ZNF268: variants seen among roughly 807,000 people sequenced by gnomAD.
ZNF268 encodes the protein zinc finger protein 268, also known as zinc finger protein 3.
ZNF268 carries 20 observed loss-of-function variants against 29.3 expected under a neutral mutation model. The observed-to-expected ratio is 0.68, with a 90% CI of 0.48 to 0.99. The LOEUF is 0.99. Among genes scored for constraint, ZNF268 ranks in the 50% least tolerant of loss-of-function variants. ZNF268 has a pLI of 0.00. For missense variants in ZNF268, 1,240 were observed against 1,121.6 expected, an observed-to-expected ratio of 1.11 and a Z score of -1.51; for synonymous variants, 429 against 376.9, an observed-to-expected ratio of 1.14 and a Z score of -1.60.
In ZNF268 at chr12:133,208,538, C is replaced by G. The variant is rs559930061; in HGVS notation, c.*4008C>G. On this transcript the variant is annotated 3_prime_UTR_variant, in exon 6 of 6. Coordinates refer to ENST00000536435, the MANE Select transcript of ZNF268 (RefSeq NM_003415.3). Reference sequence around the variant, plus strand: ...GGTGTAGTGGCAAGTGCCGGTAGTCCCACCTACTGAGGAGGCTGAGGCAGG... The same window carrying G: ...GGTGTAGTGGCAAGTGCCGGTAGTCGCACCTACTGAGGAGGCTGAGGCAGG... The G allele has an allele frequency of 6.6e-6, 1 of 152,302 alleles. No homozygotes were observed. The highest frequency in any genetic ancestry group is 2.4e-5 in the African/African-American group (1 of 41,540). 9.4% of individuals were successfully genotyped at this position (152,302 alleles called of 1,614,324 possible).
intron 2 of ZNF268, among the ~76,000 whole-genome samples, chr12:133,182,712 T>C (rs1034578432): frequency 6.6e-5 from 10 of 152,172 alleles, no homozygotes; most frequent in African/African-American, 1.9e-4. Context: ...GAAAAAGAAG[T>C]AACGTGCAAA....
chr12:133,194,541 C>T (rs1304996716), intron 5 of ZNF268, among the ~76,000 whole-genome samples: 4 of 152,128 alleles, frequency 2.6e-5, no homozygotes, highest in African/African-American at 9.7e-5. Context: ...GTCTGTCAGA[C>T]AGGAAAACTC....
chr12:133,203,577 C>G lies in ZNF268; in HGVS notation c.1891C>G (p.Gln631Glu). The G allele has an allele frequency of 6.4e-7, 1 of 1,567,172 alleles. No homozygotes were observed. Among genetic ancestry groups the G allele is most frequent in the Non-Finnish European group, 8.6e-7 (1 of 1,159,472 alleles). ...TACAAAGTCAAACCTGATTGTACAT[C>G]AGAGAACTCATACAGGAGAGAAACC... ...FNTKSNLIVH[Q>E]RTHTGEKPYS... The change falls in exon 6 of 6, where the codon CAG becomes GAG. Residue 631 changes from glutamine (Q) to glutamate (E), a missense_variant. By Grantham distance (29) the Gln-to-Glu change is conservative. This residue lies in a region of ZNF268 where 1,177 missense variants were observed against 1,039.6 expected (regional missense o/e 1.13). Coordinates refer to ENST00000536435, the MANE Select transcript of ZNF268 (RefSeq NM_003415.3).
intron 5 of ZNF268, 62 bp from the exon 6 acceptor site, chr12:133,202,082 A>C (rs561141024): frequency 3.7e-6 from 5 of 1,359,308 alleles, no homozygotes; most frequent in Non-Finnish European, 4.9e-6. Flanking sequence ...TTTCATAGGC[A>C]ACTTTCTAGT....
chr12:133,194,519 C>G (rs550210282), intron 5 of ZNF268, among the ~76,000 whole-genome samples: 5 of 152,256 alleles, frequency 3.3e-5, no homozygotes, highest in African/African-American at 1.2e-4. Flanking sequence ...AGGGCTGTTT[C>G]TTCACACACG....
Position 133,204,460 on chromosome 12 carries a change from G to A in ZNF268, c.2774G>A (p.Cys925Tyr). 1.3e-6 allele frequency: 2 copies of A among 1,555,010 alleles called. No individual in the cohort carries two copies. The highest frequency in any genetic ancestry group is 1.7e-6 in the Non-Finnish European group (2 of 1,155,930). ...TGEKPCKCTE[C>Y]GKAFCWKSQL... ...GAGAAGCCTTGTAAGTGCACTGAAT[G>A]TGGGAAAGCCTTTTGTTGGAAGTCA... The change falls in exon 6 of 6, where the codon TGT becomes TAT. Residue 925 changes from cysteine (C) to tyrosine (Y), a missense_variant. This residue lies in a region of ZNF268 where 1,177 missense variants were observed against 1,039.6 expected (regional missense o/e 1.13). Transcript: ENST00000536435.
chr12:133,202,101 A>G (rs1359582900), intron 5 of ZNF268, 43 bp from the exon 6 acceptor site: 3 of 1,474,420 alleles, frequency 2.0e-6, no homozygotes, highest in Non-Finnish European at 2.7e-6. Context: ...GTATACCGCA[A>G]TCATGTGATT....
chr12:133,201,290 C>A (rs1369758420), intron 5 of ZNF268, among the ~76,000 whole-genome samples: 1 of 151,906 alleles, frequency 6.6e-6, no homozygotes, highest in East Asian at 1.9e-4. Flanking sequence ...TGACTTGCTT[C>A]AGAGTAGCTT....
chr12:133,202,088 C>T, intron 5 of ZNF268, 56 bp from the exon 6 acceptor site: 1 of 1,402,788 alleles, frequency 7.1e-7, no homozygotes, highest in Non-Finnish European at 9.6e-7. Context: ...AGGCAACTTT[C>T]TAGTATACCG....
In ZNF268 at chr12:133,212,474, T is replaced by TATAC. The variant is rs1956997282; in HGVS notation, c.*7947_*7948insCATA. 1 of 9,496 alleles carries TATAC rather than the reference T, an allele frequency of 1.1e-4. No individual in the cohort carries two copies. Among genetic ancestry groups the TATAC allele is most frequent in the Non-Finnish European group, 1.7e-4 (1 of 5,802 alleles). 0.6% of individuals were successfully genotyped at this position (9,496 alleles called of 1,614,324 possible). ...ATATATATATATATATATATATATA[T>TATAC]ATATATATATATATATATATATATG... On this transcript the variant is annotated 3_prime_UTR_variant, in exon 6 of 6. Transcript: ENST00000536435.
rs954103058 is a variant in ZNF268, at chr12:133,210,374, G to C, written c.*5844G>C. On this transcript the variant is annotated 3_prime_UTR_variant, in exon 6 of 6. Coordinates refer to ENST00000536435, the MANE Select transcript of ZNF268 (RefSeq NM_003415.3). ...CCCCACCACGGGTCAGTCCTGAGGA[G>C]GATACTCTGGTCATCACTGTGATCT... 1.7e-5 allele frequency: 3 copies of C among 180,060 alleles called. No individual in the cohort carries two copies. The highest frequency in any genetic ancestry group is 4.7e-5 in the African/African-American group (2 of 42,836). The allele number at this position is 180,060 out of a possible 1,614,324, so 11.2% of individuals were successfully genotyped here.
chr12:133,202,956 G>A lies in ZNF268; in HGVS notation c.1270G>A (p.Ala424Thr), dbSNP rs959059077. ...KPYECNECQK[A>T]FNTKSNLMVH... Reference sequence around the variant, plus strand: ...ATATGAATGCAATGAATGTCAGAAAGCCTTTAATACAAAGTCAAACCTTAT... The same window carrying A: ...ATATGAATGCAATGAATGTCAGAAAACCTTTAATACAAAGTCAAACCTTAT... The change falls in exon 6 of 6, where the codon GCC (alanine) becomes ACC (threonine). Residue 424 changes from alanine (A) to threonine (T), a missense_variant. Ala to Thr is a moderately conservative substitution (Grantham distance 58, BLOSUM62 0). Transcript: ENST00000536435. 6.5e-7 allele frequency: 1 copy of A among 1,546,214 alleles called. No homozygotes were observed. Among genetic ancestry groups the A allele is most frequent in the Admixed American group, 1.9e-5 (1 of 51,352 alleles).
chr12:133,194,467 T>C (rs1466308022), intron 5 of ZNF268, among the ~76,000 whole-genome samples: 1 of 152,194 alleles, frequency 6.6e-6, no homozygotes, highest in Non-Finnish European at 1.5e-5. Flanking sequence ...CTTGCAGTTC[T>C]AGTTGATGCC....
chr12:133,197,023 C>G (rs1956619791), intron 5 of ZNF268, among the ~76,000 whole-genome samples: 1 of 133,380 alleles, frequency 7.5e-6, no homozygotes, highest in Non-Finnish European at 1.6e-5. Context: ...TTCTCTAGAT[C>G]CTTTCTTTTT....
Position 133,203,842 on chromosome 12 carries a change from C to T in ZNF268, c.2156C>T (p.Thr719Ile). The change falls in exon 6 of 6, where the codon ACA (threonine) becomes ATA (isoleucine). Residue 719 changes from threonine to isoleucine, a missense_variant. Physicochemically the swap from Thr to Ile is moderately conservative, Grantham distance 89. This residue lies in a region of ZNF268 where 1,177 missense variants were observed against 1,039.6 expected (regional missense o/e 1.13). Coordinates refer to ENST00000536435, the MANE Select transcript of ZNF268 (RefSeq NM_003415.3). Reference sequence around the variant, plus strand: ...CTTATTATACATATGAGAACTCATACAGGAGAGAAACCACATGAGTGCAGG... The same window carrying T: ...CTTATTATACATATGAGAACTCATATAGGAGAGAAACCACATGAGTGCAGG... Reference protein sequence around the residue: ...SYLIIHMRTHTGEKPHECREC... With the variant: ...SYLIIHMRTHIGEKPHECREC... The T allele has an allele frequency of 6.4e-7, 1 of 1,565,074 alleles. No homozygotes were observed. Among genetic ancestry groups the T allele is most frequent in the Non-Finnish European group, 8.6e-7 (1 of 1,161,104 alleles).
Position 133,202,241 on chromosome 12 carries a change from A to G in ZNF268, c.555A>G (p.Gly185=). Reference sequence around the variant, plus strand: ...AAAGCTTTGAATGCACTACATTTGGAAAACTATGTCTTCTTAGTACAAAGT... The same window carrying G: ...AAAGCTTTGAATGCACTACATTTGGGAAACTATGTCTTCTTAGTACAAAGT... ...TAKSFECTTF[G]KLCLLSTKYL... is the part of the protein sequence containing the mutation. Residue 185 remains glycine, a synonymous_variant, in exon 6 of 6, where the codon GGA becomes GGG. Coordinates refer to ENST00000536435, the MANE Select transcript of ZNF268 (RefSeq NM_003415.3). 1 of 1,612,196 alleles carries G rather than the reference A, an allele frequency of 6.2e-7. No homozygotes were observed.
chr12:133,191,404 A>T (rs927352170), intron 3 of ZNF268, 85 bp from the exon 4 acceptor site: 47 of 1,520,562 alleles, frequency 3.1e-5, no homozygotes, highest in Non-Finnish European at 4.2e-5. Flanking sequence ...ACAAAGTTAA[A>T]CATAAATAAT....
Position 133,187,956 on chromosome 12 carries a change from C to G in ZNF268, c.118C>G (p.Pro40Ala). ...GGAATCCATCTTGGGCCAAGGGACT[C>G]CTGGTCTGCAACCTCTCCCTGGAAC... The part of the protein sequence containing the change: ...GQESILGQGT[P>A]GLQPLPGTPR... The change falls in exon 3 of 6, where the codon CCT becomes GCT. Residue 40 changes from proline to alanine, a missense_variant. Around this residue, in one of 3 missense-constraint regions of ZNF268, gnomAD observed 51 missense variants for 51.4 expected, o/e 0.99. Coordinates refer to ENST00000536435, the MANE Select transcript of ZNF268 (RefSeq NM_003415.3). 5.0e-6 allele frequency: 8 copies of G among 1,600,176 alleles called. No homozygotes were observed. Among genetic ancestry groups the G allele is most frequent in the Non-Finnish European group, 6.8e-6 (8 of 1,173,182 alleles).
At chr12:133,193,423 C>G (rs1159594470) in intron 5 of ZNF268, 6 of 658,736 alleles carry the variant, frequency 9.1e-6, no homozygotes, top group Non-Finnish European at 1.6e-5. Flanking sequence ...ATTTATTTCT[C>G]ACAGTTTTGA....
Sources: gnomAD v4.1 joint callset for allele counts (sites outside exome capture counted in the v4.1 genomes callset) on GRCh38, gnomAD v4.1.1 for gene constraint, gnomAD v4.1.1 regional missense constraint, MANE v1.5 for transcripts, NCBI Gene and HGNC (gene_info 2026-07-23, HGNC 2026-07-21) for gene names.